Variants in OR4C16 observed in about 807,000 individuals in gnomAD.
OR4C16 encodes the protein olfactory receptor 4C16.
A neutral mutation model predicts 14.4 loss-of-function variants in OR4C16; 24 were observed. The ratio of observed to expected loss-of-function variants is 1.66; its 90% CI spans 1.21 to 2.34. OR4C16 has a LOEUF of 2.34. Ranked by LOEUF, OR4C16 falls within the 30% of genes most tolerant of loss-of-function variation. The probability of loss-of-function intolerance (pLI) is 0.00; values close to 1 mark genes in which losing one functional copy is unlikely to be tolerated. For missense variants in OR4C16, 674 were observed against 364.2 expected (o/e 1.85, Z -6.92); for synonymous variants, 233 against 133.5 (o/e 1.75, Z -5.14).
rs1473353939 is a variant in OR4C16 at position 55,572,535 on chromosome 11, G to C, written c.408G>C (p.Gln136His). The C allele has an allele frequency of 1.2e-6, 2 of 1,614,092 alleles. No individual in the cohort carries two copies. The highest frequency in any genetic ancestry group is 1.7e-6 in the Non-Finnish European group (2 of 1,180,018). Residue 136 changes from glutamine (Q) to histidine (H), a missense_variant, in exon 1 of 1, where the codon CAG (glutamine) becomes CAC (histidine). Transcript: ENST00000623907. Reference sequence around the variant, plus strand: ...TGCACTACATGACCATCATAAGCCAGTGGGTCTGTGGTGTTTTGATGGCTG... The same window carrying C: ...TGCACTACATGACCATCATAAGCCACTGGGTCTGTGGTGTTTTGATGGCTG... ...KPLHYMTIIS[Q>H]WVCGVLMAVA...
chr11:55,572,600 T>G lies in OR4C16; in HGVS notation c.473T>G (p.Ile158Ser). 6.2e-7 allele frequency: 1 copy of G among 1,614,112 alleles called. No homozygotes were observed. Among genetic ancestry groups the G allele is most frequent in the Non-Finnish European group, 8.5e-7 (1 of 1,180,008 alleles). The change falls in exon 1 of 1, where the codon ATT becomes AGT. Residue 158 changes from isoleucine to serine, a missense_variant. Ile to Ser is a moderately radical substitution (Grantham distance 142). Transcript: ENST00000623907. Reference protein sequence around the residue: ...VGSCVHSLVQIFLALSLPFCG... With the variant: ...VGSCVHSLVQSFLALSLPFCG... ...TCCTGTGTGCATTCTTTAGTTCAGA[T>G]TTTTCTTGCCCTGAGTTTGCCATTC... is the stretch of plus-strand genomic sequence containing the variant.
In OR4C16 at chr11:55,572,247, T is replaced by C; in HGVS notation, c.120T>C (p.Asn40=). 6.2e-7 allele frequency: 1 copy of C among 1,612,328 alleles called. No individual in the cohort carries two copies. The highest frequency in any genetic ancestry group is 8.5e-7 in the Non-Finnish European group (1 of 1,178,512). ...LRLYLGTLLG[N]LLIIISVKTS... is the part of the protein sequence containing the mutation. ...TCTACTTGGGAACACTGTTGGGTAA[T>C]TTGCTAATCATTATTAGTGTCAAGA... Residue 40 remains asparagine, a synonymous_variant, in exon 1 of 1, where the codon AAT becomes AAC. Transcript: ENST00000623907.
chr11:55,572,661 CT>C lies in OR4C16; in HGVS notation c.536del (p.Leu179CysfsTer5), dbSNP rs748336918. 6.2e-7 allele frequency: 1 copy of C among 1,614,004 alleles called. No homozygotes were observed. The highest frequency in any genetic ancestry group is 1.3e-5 in the African/African-American group (1 of 74,900). ...PNVINHCFCD[L>X]QPLLKQACSE... ...ATGTGATCAATCACTGTTTCTGTGA[CT>C]TGCAGCCCTTGTTGAAACAAGCCTG... On this transcript the variant is annotated frameshift_variant, in exon 1 of 1. Coordinates refer to ENST00000623907, the MANE Select transcript of OR4C16 (RefSeq NM_001004701.2). LOFTEE classifies it high-confidence loss of function.
rs1565052188 is a variant in OR4C16 at position 55,572,412 on chromosome 11, CA to C, written c.286del (p.Met96Ter). 7.4e-6 allele frequency: 12 copies of C among 1,613,896 alleles called. No individual in the cohort carries two copies. In the Middle Eastern group the frequency reaches 4.9e-4, roughly 66 times the overall value. On this transcript the variant is annotated frameshift_variant, in exon 1 of 1. Transcript: ENST00000623907. LOFTEE classifies it high-confidence loss of function. The stretch of plus-strand genomic sequence containing the variant: ...AGACAACTATCTCCTTCAGCGAGTG[CA>C]TGATCCAAGTCTTTTCATCCCATGT... ...KKTTISFSEC[M>X]IQVFSSHVFG...
rs761781549 is a variant in OR4C16, at chr11:55,572,641, A to T, written c.514A>T (p.Ile172Phe). The T allele has an allele frequency of 1.2e-6, 2 of 1,614,148 alleles. No individual in the cohort carries two copies. The highest frequency in any genetic ancestry group is 1.7e-5 in the Admixed American group (1 of 60,022). Residue 172 changes from isoleucine to phenylalanine, a missense_variant, in exon 1 of 1, where the codon ATC becomes TTC. Transcript: ENST00000623907. Reference protein sequence around the residue: ...LSLPFCGPNVINHCFCDLQPL... With the variant: ...LSLPFCGPNVFNHCFCDLQPL... ...TTTGCCATTCTGTGGCCCCAATGTG[A>T]TCAATCACTGTTTCTGTGACTTGCA...
Position 55,572,332 on chromosome 11 carries a change from A to T in OR4C16, c.205A>T (p.Thr69Ser), listed in dbSNP as rs771953846. Residue 69 changes from threonine to serine, a missense_variant, in exon 1 of 1, where the codon ACT (threonine) becomes TCT (serine). Coordinates refer to ENST00000623907, the MANE Select transcript of OR4C16 (RefSeq NM_001004701.2). ...CCTTTTCTACTTATCCTTATCTGAT[A>T]CTTGCCTCTCTACTTCCATAACCCC... ...FFLFYLSLSDTCLSTSITPRM... is the reference protein window; with the variant it reads ...FFLFYLSLSDSCLSTSITPRM... The T allele has an allele frequency of 2.5e-6, 4 of 1,613,324 alleles. No homozygotes were observed. The highest frequency in any genetic ancestry group is 3.4e-6 in the Non-Finnish European group (4 of 1,179,328).
In OR4C16 at chr11:55,572,496, C is replaced by A. The variant is rs765673419; in HGVS notation, c.369C>A (p.Asp123Glu). ...TCACGGCTGTTGACCGCTATGTGGA[C>A]ATCTGTAAGCCCCTGCACTACATGA... ...LILTAVDRYV[D>E]ICKPLHYMTI... Residue 123 changes from aspartate to glutamate, a missense_variant, in exon 1 of 1, where the codon GAC (aspartate) becomes GAA (glutamate). Asp to Glu is a conservative substitution (Grantham distance 45). Transcript: ENST00000623907. The A allele has an allele frequency of 3.8e-5, 62 of 1,613,962 alleles. No individual in the cohort carries two copies. The highest frequency in any genetic ancestry group is 5.2e-5 in the Non-Finnish European group (61 of 1,179,996).
rs74994489 is a variant in OR4C16, at chr11:55,572,480, T to C, written c.353T>C (p.Val118Ala). Residue 118 changes from valine to alanine, a missense_variant, in exon 1 of 1, where the codon GTT becomes GCT. Val to Ala is a moderately conservative substitution (Grantham distance 64, BLOSUM62 0). Transcript: ENST00000623907. ...LEIFILILTA[V>A]DRYVDICKPL... ...ATCTTCATCCTCATCCTCACGGCTG[T>C]TGACCGCTATGTGGACATCTGTAAG... 22 of 1,613,990 alleles carry C rather than the reference T, an allele frequency of 1.4e-5. No homozygotes were observed. Among genetic ancestry groups the C allele is most frequent in the Non-Finnish European group, 1.7e-5 (20 of 1,180,000 alleles).
chr11:55,572,489 A>C lies in OR4C16; in HGVS notation c.362A>C (p.Tyr121Ser), dbSNP rs1170993164. Residue 121 changes from tyrosine to serine, a missense_variant, in exon 1 of 1, where the codon TAT becomes TCT. Transcript: ENST00000623907. The part of the protein sequence containing the change: ...FILILTAVDR[Y>S]VDICKPLHYM... ...CTCATCCTCACGGCTGTTGACCGCT[A>C]TGTGGACATCTGTAAGCCCCTGCAC... 1 of 1,614,038 alleles carries C rather than the reference A, an allele frequency of 6.2e-7. No individual in the cohort carries two copies.
rs776318259 is a variant in OR4C16, at chr11:55,572,892, G to A, written c.765G>A (p.Met255Ile). 4.3e-6 allele frequency: 7 copies of A among 1,613,758 alleles called. No individual in the cohort carries two copies. Among genetic ancestry groups the A allele is most frequent in the Non-Finnish European group, 3.4e-6 (4 of 1,179,878 alleles). Residue 255 changes from methionine (M) to isoleucine (I), a missense_variant, in exon 1 of 1, where the codon ATG becomes ATA. Met to Ile is a conservative substitution (Grantham distance 10). Coordinates refer to ENST00000623907, the MANE Select transcript of OR4C16 (RefSeq NM_001004701.2). The part of the protein sequence containing the change: ...VILFFGPCIF[M>I]YTCLATVFPM... ...TGTTCTTTGGACCTTGCATATTTAT[G>A]TACACATGCCTTGCAACCGTATTCC...
At position 55,572,724 on chromosome 11, in the gene OR4C16, C is replaced by T. The variant is rs767167648; in HGVS notation, c.597C>T (p.Ser199=). ...ETYVVNLLLV[S]NSGAICAVSY... is the part of the protein sequence containing the mutation. ...ATGTGGTTAACCTACTCCTGGTTTC[C>T]AATAGTGGGGCCATTTGTGCAGTGA... Residue 199 remains serine (S), a synonymous_variant, in exon 1 of 1, where the codon TCC becomes TCT. Coordinates refer to ENST00000623907, the MANE Select transcript of OR4C16 (RefSeq NM_001004701.2). The T allele has an allele frequency of 4.3e-6, 7 of 1,613,432 alleles. No individual in the cohort carries two copies. In the East Asian group the frequency reaches 1.3e-4, roughly 31 times the overall value.
At position 55,572,292 on chromosome 11, in the gene OR4C16, C is replaced by T; in HGVS notation, c.165C>T (p.Asn55=). 1 of 1,613,060 alleles carries T rather than the reference C, an allele frequency of 6.2e-7. No individual in the cohort carries two copies. The highest frequency in any genetic ancestry group is 8.5e-7 in the Non-Finnish European group (1 of 1,179,498). Residue 55 remains asparagine, a synonymous_variant, in exon 1 of 1, where the codon AAC becomes AAT. Transcript: ENST00000623907. Reference sequence around the variant, plus strand: ...TCAAGACCAGCCAGGCACTTAAGAACCCAATGTTCTTCTTCCTTTTCTACT... The same window carrying T: ...TCAAGACCAGCCAGGCACTTAAGAATCCAATGTTCTTCTTCCTTTTCTACT... ...ISVKTSQALK[N]PMFFFLFYLS...
rs140231925 is a variant in OR4C16 at position 55,572,270 on chromosome 11, A to T, written c.143A>T (p.Lys48Met). The T allele has an allele frequency of 9.3e-6, 15 of 1,613,066 alleles. No homozygotes were observed. In the East Asian group the frequency reaches 3.1e-4, roughly 34 times the overall value. ...LGNLLIIISV[K>M]TSQALKNPMF... Reference sequence around the variant, plus strand: ...AATTTGCTAATCATTATTAGTGTCAAGACCAGCCAGGCACTTAAGAACCCA... The same window carrying T: ...AATTTGCTAATCATTATTAGTGTCATGACCAGCCAGGCACTTAAGAACCCA... Residue 48 changes from lysine to methionine, a missense_variant, in exon 1 of 1, where the codon AAG becomes ATG. By Grantham distance (95) the Lys-to-Met change is moderately conservative (BLOSUM62 -1). Coordinates refer to ENST00000623907, the MANE Select transcript of OR4C16 (RefSeq NM_001004701.2).
chr11:55,572,931 G>T lies in OR4C16; in HGVS notation c.804G>T (p.Met268Ile). 3 of 1,613,028 alleles carry T rather than the reference G, an allele frequency of 1.9e-6. No homozygotes were observed. Among genetic ancestry groups the T allele is most frequent in the Non-Finnish European group, 2.5e-6 (3 of 1,179,058 alleles). ...CAACCGTATTCCCCATGGATAAGAT[G>T]ATAGCTGTATTTTATACAGTTGGAA... ...CLATVFPMDK[M>I]IAVFYTVGTS... The change falls in exon 1 of 1, where the codon ATG (methionine) becomes ATT (isoleucine). Residue 268 changes from methionine (M) to isoleucine (I), a missense_variant. Coordinates refer to ENST00000623907, the MANE Select transcript of OR4C16 (RefSeq NM_001004701.2).
chr11:55,572,568 G>T lies in OR4C16; in HGVS notation c.441G>T (p.Trp147Cys). ...WVCGVLMAVAWVGSCVHSLVQ... is the reference protein window; with the variant it reads ...WVCGVLMAVACVGSCVHSLVQ... ...GTGGTGTTTTGATGGCTGTGGCCTG[G>T]GTGGGATCCTGTGTGCATTCTTTAG... is the stretch of plus-strand genomic sequence containing the variant. The change falls in exon 1 of 1, where the codon TGG becomes TGT. Residue 147 changes from tryptophan to cysteine, a missense_variant. By Grantham distance (215) the Trp-to-Cys change is radical. Transcript: ENST00000623907. 1 of 1,613,998 alleles carries T rather than the reference G, an allele frequency of 6.2e-7. No homozygotes were observed. The highest frequency in any genetic ancestry group is 1.1e-5 in the South Asian group (1 of 91,074).
Position 55,572,628 on chromosome 11 carries a change from T to C in OR4C16, c.501T>C (p.Cys167=), listed in dbSNP as rs147425069. ...QIFLALSLPF[C]GPNVINHCFC... ...TTCTTGCCCTGAGTTTGCCATTCTG[T>C]GGCCCCAATGTGATCAATCACTGTT... The change falls in exon 1 of 1, where the codon TGT becomes TGC. Residue 167 remains cysteine, a synonymous_variant. Transcript: ENST00000623907. 1.9e-6 allele frequency: 3 copies of C among 1,614,190 alleles called. No homozygotes were observed. The highest frequency in any genetic ancestry group is 2.5e-6 in the Non-Finnish European group (3 of 1,180,032).
In OR4C16 at chr11:55,572,225, A is replaced by G. The variant is rs1212930098; in HGVS notation, c.98A>G (p.Tyr33Cys). 3 of 1,610,744 alleles carry G rather than the reference A, an allele frequency of 1.9e-6. No homozygotes were observed. Among genetic ancestry groups the G allele is most frequent in the Non-Finnish European group, 2.5e-6 (3 of 1,177,190 alleles). The change falls in exon 1 of 1, where the codon TAC becomes TGC. Residue 33 changes from tyrosine to cysteine, a missense_variant. Coordinates refer to ENST00000623907, the MANE Select transcript of OR4C16 (RefSeq NM_001004701.2). The part of the protein sequence containing the change: ...KIVFVIFLRL[Y>C]LGTLLGNLLI... ...GTGTTTGTTATTTTTTTGCGTCTCT[A>G]CTTGGGAACACTGTTGGGTAATTTG...
At position 55,572,935 on chromosome 11, in the gene OR4C16, G is replaced by A. The variant is rs1857409774; in HGVS notation, c.808G>A (p.Ala270Thr). Reference sequence around the variant, plus strand: ...CGTATTCCCCATGGATAAGATGATAGCTGTATTTTATACAGTTGGAACATC... The same window carrying A: ...CGTATTCCCCATGGATAAGATGATAACTGTATTTTATACAGTTGGAACATC... Reference protein sequence around the residue: ...ATVFPMDKMIAVFYTVGTSFL... With the variant: ...ATVFPMDKMITVFYTVGTSFL... The change falls in exon 1 of 1, where the codon GCT becomes ACT. Residue 270 changes from alanine to threonine, a missense_variant. Physicochemically the swap from Ala to Thr is moderately conservative, Grantham distance 58. Transcript: ENST00000623907. 1.2e-6 allele frequency: 2 copies of A among 1,611,950 alleles called. No individual in the cohort carries two copies. Among genetic ancestry groups the A allele is most frequent in the Non-Finnish European group, 1.7e-6 (2 of 1,178,076 alleles).
chr11:55,572,142 T>C lies in OR4C16; in HGVS notation c.15T>C (p.Asn5=). The C allele has an allele frequency of 6.2e-7, 1 of 1,606,176 alleles. No individual in the cohort carries two copies. Among genetic ancestry groups the C allele is most frequent in the Admixed American group, 1.7e-5 (1 of 59,720 alleles). ...TCACGAAAACCATGCAACTGAATAA[T>C]AATGTGACTGAGTTCATTCTGCTTG... The part of the protein sequence containing the change: MQLN[N]NVTEFILLGL... The change falls in exon 1 of 1, where the codon AAT becomes AAC. Residue 5 remains asparagine (N), a synonymous_variant. Transcript: ENST00000623907.
Sources: gnomAD v4.1 joint callset for allele counts on GRCh38, gnomAD v4.1.1 for gene constraint, MANE v1.5 for transcripts, NCBI Gene and HGNC (gene_info 2026-07-23, HGNC 2026-07-21) for gene names.